Variants in TRPM2 observed in about 807,000 individuals in gnomAD.
The protein encoded by TRPM2 is transient receptor potential cation channel subfamily M member 2.
Under a neutral mutation model 174.0 loss-of-function variants are expected in TRPM2, and 161 were observed. The observed-to-expected ratio is 0.93, with a 90% confidence interval of 0.81 to 1.05. TRPM2 has a LOEUF of 1.05. Among genes scored for constraint, TRPM2 ranks in the 50% least tolerant of loss-of-function variants. TRPM2 has a pLI of 0.00. For synonymous variants in TRPM2, 954 were observed against 861.3 expected, an observed-to-expected ratio of 1.11 and a Z score of -1.88; for missense variants, 2,057 against 2,038.0, an observed-to-expected ratio of 1.01 and a Z score of -0.18.
chr21:44,394,469 G>A (rs564754834), intron 11 of TRPM2, among the ~76,000 whole-genome samples: 16 of 151,764 alleles, frequency 1.1e-4, no homozygotes, highest in Admixed American at 3.9e-4. Flanking sequence ...ACAGGTGTCC[G>A]CCACCACGCC....
At chr21:44,385,826 C>A (rs1002483378) in intron 9 of TRPM2, among the ~76,000 whole-genome samples, 4 of 152,012 alleles carry the variant, frequency 2.6e-5, no homozygotes, top group African/African-American at 9.7e-5. Context: ...AAGGAAGAGC[C>A]CCTTCTAAAA....
Position 44,391,252 on chromosome 21 carries a change from T to G in TRPM2, c.1441-20T>G, listed in dbSNP as rs1215842419. ...GGTGATGACCAAATGCAACCGTCAC[T>G]GCACAATGCTTGCTCTCAGCCTTCA... On this transcript the variant is annotated intron_variant, in intron 10 of 31. Coordinates refer to ENST00000397928, the MANE Select transcript of TRPM2 (RefSeq NM_003307.4). This position sits in a 1 kb window ranked among gnomAD's most constrained non-coding sequence, Gnocchi z 5.0. The G allele has an allele frequency of 1.0e-5, 16 of 1,602,898 alleles. No individual in the cohort carries two copies. The highest frequency in any genetic ancestry group is 1.2e-5 in the Non-Finnish European group (14 of 1,172,434).
At chr21:44,430,308 C>T (rs140791819) in intron 27 of TRPM2, among the ~76,000 whole-genome samples, 81 of 152,040 alleles carry the variant, frequency 5.3e-4, no homozygotes, top group African/African-American at 1.9e-3. Context: ...CTCTTCTTTA[C>T]AAAGAAGAGA....
intron 27 of TRPM2, among the ~76,000 whole-genome samples, chr21:44,434,744 A>C (rs543577231): frequency 6.6e-4 from 101 of 152,166 alleles, no homozygotes; most frequent in African/African-American, 2.4e-3. Context: ...TGCCCCTCGG[A>C]AGGCTGCCAG....
At chr21:44,407,643 ACTTGTGAG>A (rs2049951861) in intron 19 of TRPM2, among the ~76,000 whole-genome samples, 2 of 151,632 alleles carry the variant, frequency 1.3e-5, no homozygotes, top group Non-Finnish European at 2.9e-5. Context: ...CCACGAAGCT[ACTTGTGAG>A]CTGCCTTTTC....
At chr21:44,353,350 G>T (rs946926052), upstream of TRPM2, 4 of 191,308 alleles carry the variant, frequency 2.1e-5, no homozygotes, top group African/African-American at 4.7e-5. Flanking sequence ...CTGCACCCGT[G>T]GGGGAGGGAG....
chr21:44,358,295 A>G (rs1174929799), intron 2 of TRPM2, among the ~76,000 whole-genome samples: 1 of 143,420 alleles, frequency 7.0e-6, no homozygotes, highest in African/African-American at 2.7e-5. Flanking sequence ...TCCCTGGGCC[A>G]CCAATCCTCA....
chr21:44,394,255 G>A (rs559339608), intron 11 of TRPM2, among the ~76,000 whole-genome samples: 1 of 151,414 alleles, frequency 6.6e-6, no homozygotes, highest in African/African-American at 2.4e-5. Flanking sequence ...ATATGCTTAG[G>A]AAGGTCCAAA....
At position 44,367,040 on chromosome 21, in the gene TRPM2, C is replaced by T. The variant is rs962661815; in HGVS notation, c.604+106C>T. The T allele has an allele frequency of 1.8e-5, 25 of 1,354,158 alleles. No homozygotes were observed. The highest frequency in any genetic ancestry group is 1.2e-4 in the South Asian group (8 of 66,192). 83.9% of individuals were successfully genotyped at this position (1,354,158 alleles called of 1,614,324 possible). A position where few individuals can be genotyped will look rare whatever the true frequency, so the allele number is the denominator to read the frequency against. On this transcript the variant is annotated intron_variant, in intron 4 of 31. Transcript: ENST00000397928. The surrounding 1 kb of genome is among the most constrained non-coding windows in gnomAD (Gnocchi z 4.6). ...CAGGACCCAAAAAGTCCCTGGGAGC[C>T]GCCGAGGCTGTGCCCCAGCCTGAGT...
In TRPM2 at chr21:44,425,692, G is replaced by A. The variant is rs778403880; in HGVS notation, c.3660G>A (p.Glu1220=). 1.3e-5 allele frequency: 20 copies of A among 1,547,246 alleles called. No individual in the cohort carries two copies. The highest frequency in any genetic ancestry group is 2.6e-6 in the Non-Finnish European group (3 of 1,142,778). The change falls in exon 25 of 32, where the codon GAG becomes GAA. Residue 1220 remains glutamate, a synonymous_variant. Transcript: ENST00000397928. ...PTLASQKAAE[E]PDAEPGGRKK... ...CAGCCTCCCAGAAGGCCGCGGAGGA[G>A]CCGGATGCTGAGCCGGGAGGCAGGA...
In TRPM2 at chr21:44,418,526, C is replaced by A; in HGVS notation, c.3432C>A (p.Pro1144=). The change falls in exon 22 of 32, where the codon CCC becomes CCA. Residue 1144 remains proline, a synonymous_variant. Transcript: ENST00000397928. The part of the protein sequence containing the change: ...QNRQFQQKQR[P]EQKIEDISNK... The stretch of plus-strand genomic sequence containing the variant: ...GACAGTTCCAGCAAAAGCAGCGGCC[C>A]GAGCAGAAGATCGAGGACATCAGCA... 6.2e-7 allele frequency: 1 copy of A among 1,614,068 alleles called. No individual in the cohort carries two copies. Among genetic ancestry groups the A allele is most frequent in the Non-Finnish European group, 8.5e-7 (1 of 1,179,996 alleles).
Position 44,391,561 on chromosome 21 carries a change from A to T in TRPM2, c.1730A>T (p.Tyr577Phe). The T allele has an allele frequency of 3.8e-6, 6 of 1,596,152 alleles. No homozygotes were observed. The highest frequency in any genetic ancestry group is 5.1e-6 in the Non-Finnish European group (6 of 1,176,552). ...ELLGDFTQPL[Y>F]PRPRHNDRLR... ...CTGGGGGACTTCACGCAGCCGCTTTATCCCCGGCCCCGGCACAACGACCGG... is the reference window on the plus strand; with the variant it reads ...CTGGGGGACTTCACGCAGCCGCTTTTTCCCCGGCCCCGGCACAACGACCGG... Residue 577 changes from tyrosine to phenylalanine, a missense_variant, in exon 11 of 32, where the codon TAT (tyrosine) becomes TTT (phenylalanine). Transcript: ENST00000397928. This position sits in a 1 kb window ranked among gnomAD's most constrained non-coding sequence, Gnocchi z 5.0.
At chr21:44,426,833 G>A (rs1170140359) in intron 26 of TRPM2, 97 bp downstream of exon 26, 9 of 1,511,296 alleles carry the variant, frequency 6.0e-6, no homozygotes, top group Non-Finnish European at 8.2e-6. Context: ...AGCCCGGGGA[G>A]GTCCAGGTGA....
rs1421895028 is a variant in TRPM2 at position 44,438,306 on chromosome 21, C to T, written c.4168-761C>T. Among the ~76,000 whole-genome samples, 1 of 152,108 alleles carries T rather than the reference C, an allele frequency of 6.6e-6. No homozygotes were observed. Among genetic ancestry groups the T allele is most frequent in the Non-Finnish European group, 1.5e-5 (1 of 68,034 alleles). ...TCCGCTCTCTGGCACTTTGGCCTCTCCATGCGGGGTGCGTGGAGTTGGGTT... is the reference window on the plus strand; with the variant it reads ...TCCGCTCTCTGGCACTTTGGCCTCTTCATGCGGGGTGCGTGGAGTTGGGTT... On this transcript the variant is annotated intron_variant, in intron 29 of 31. Coordinates refer to ENST00000397928, the MANE Select transcript of TRPM2 (RefSeq NM_003307.4). This position sits in a 1 kb window ranked among gnomAD's most constrained non-coding sequence, Gnocchi z 5.9.
At chr21:44,414,321 C>T (rs547506275) in intron 20 of TRPM2, among the ~76,000 whole-genome samples, 3 of 152,334 alleles carry the variant, frequency 2.0e-5, no homozygotes, top group Admixed American at 1.3e-4. Flanking sequence ...TGGGGACCCG[C>T]GGTGCTGTGG....
intron 31 of TRPM2, among the ~76,000 whole-genome samples, 154 bp downstream of exon 31, chr21:44,441,059 C>T (rs77574690): frequency 2.5e-4 from 38 of 152,096 alleles, no homozygotes; most frequent in African/African-American, 6.7e-4. Flanking sequence ...AGGCGGGGAC[C>T]GGGGTCTGGA....
At chr21:44,414,161 T>G in intron 20 of TRPM2, 87 bp downstream of exon 20, 3 of 1,491,992 alleles carry the variant, frequency 2.0e-6, no homozygotes, top group Non-Finnish European at 2.7e-6. Context: ...CAGGGTCTCG[T>G]GGACAGTGTG....
chr21:44,404,226 CAT>C (rs1254103395), intron 16 of TRPM2, among the ~76,000 whole-genome samples: 1 of 150,316 alleles, frequency 6.7e-6, no homozygotes, highest in South Asian at 2.1e-4. Context: ...CACAGATACA[CAT>C]ACACATGCAC....
intron 19 of TRPM2, among the ~76,000 whole-genome samples, chr21:44,412,708 C>T (rs2050144522): frequency 6.6e-6 from 1 of 151,726 alleles, no homozygotes; most frequent in African/African-American, 2.4e-5. Flanking sequence ...TTGTAAATGT[C>T]CTTTCAATCA....
Sources: gnomAD v4.1 joint callset for allele counts (sites outside exome capture counted in the v4.1 genomes callset) on GRCh38, gnomAD v4.1.1 for gene constraint, Gnocchi (gnomAD v3.1) non-coding constraint, MANE v1.5 for transcripts, NCBI Gene and HGNC (gene_info 2026-07-23, HGNC 2026-07-21) for gene names.